CGN: variants seen among roughly 807,000 people sequenced by gnomAD.
CGN encodes cingulin.
Under a neutral mutation model 157.1 loss-of-function variants are expected in CGN, and 121 were observed. The ratio of observed to expected loss-of-function variants is 0.77; its 90% CI spans 0.66 to 0.90. The LOEUF is 0.90. Ranked by LOEUF, CGN falls within the 40% of genes least tolerant of loss-of-function variation. CGN has a pLI of 0.00. For synonymous variants in CGN, 535 were observed against 607.5 expected, an observed-to-expected ratio of 0.88 and a Z score of 1.76; for missense variants, 1,424 against 1,520.9, an observed-to-expected ratio of 0.94 and a Z score of 1.06.
Position 151,511,547 on chromosome 1 carries a change from G to T in CGN, c.-15+32G>T, listed in dbSNP as rs1664294922. ...GGACCCGGTGCGGGCCAGGGCACCCGAGAGGAAAGCGAGCCTTCAGGGGTA... is the reference window on the plus strand; with the variant it reads ...GGACCCGGTGCGGGCCAGGGCACCCTAGAGGAAAGCGAGCCTTCAGGGGTA... On this transcript the variant is annotated intron_variant, in intron 1 of 20. Transcript: ENST00000271636. This position sits in a 1 kb window ranked among gnomAD's most constrained non-coding sequence, Gnocchi z 4.8. 6.4e-6 allele frequency: 1 copy of T among 155,620 alleles called. No individual in the cohort carries two copies. The highest frequency in any genetic ancestry group is 2.4e-5 in the African/African-American group (1 of 41,432). The allele number at this position is 155,620 out of a possible 1,614,324, so 9.6% of individuals were successfully genotyped here. A position where few individuals can be genotyped will look rare whatever the true frequency, so the allele number is the denominator to read the frequency against.
At position 151,519,132 on chromosome 1, in the gene CGN, C is replaced by T; in HGVS notation, c.613C>T (p.Pro205Ser). Reference protein sequence around the residue: ...GRTGRRTRMLPPEQRKRSKSL... With the variant: ...GRTGRRTRMLSPEQRKRSKSL... ...GACTGGCCGCCGAACACGGATGCTACCCCCTGAACAGCGCAAACGGAGCAA... is the reference window on the plus strand; with the variant it reads ...GACTGGCCGCCGAACACGGATGCTATCCCCTGAACAGCGCAAACGGAGCAA... The change falls in exon 2 of 21, where the codon CCC becomes TCC. Residue 205 changes from proline (P) to serine (S), a missense_variant. Physicochemically the swap from Pro to Ser is moderately conservative, Grantham distance 74. Around this residue, in one of 3 missense-constraint regions of CGN, gnomAD observed 1,187 missense variants for 1,217.6 expected, o/e 0.97. Transcript: ENST00000271636. 6.2e-7 allele frequency: 1 copy of T among 1,614,044 alleles called. No individual in the cohort carries two copies. The highest frequency in any genetic ancestry group is 1.1e-5 in the South Asian group (1 of 91,074).
chr1:151,535,659 T>C lies in CGN; in HGVS notation c.3054T>C (p.Cys1018=). The C allele has an allele frequency of 6.2e-7, 1 of 1,614,026 alleles. No individual in the cohort carries two copies. The highest frequency in any genetic ancestry group is 8.5e-7 in the Non-Finnish European group (1 of 1,179,968). ...QERSARQDLE[C]DKISLERQNK... ...GGTCTGCTCGGCAGGACCTGGAGTG[T>C]GACAAAATCTCCTTGGAGAGACAGG... The change falls in exon 17 of 21, where the codon TGT becomes TGC. Residue 1018 remains cysteine, a synonymous_variant. Coordinates refer to ENST00000271636, the MANE Select transcript of CGN (RefSeq NM_020770.3).
rs887627446 is a variant in CGN at position 151,529,459 on chromosome 1, T to C, written c.2006T>C (p.Leu669Pro). 19 of 1,613,168 alleles carry C rather than the reference T, an allele frequency of 1.2e-5. No individual in the cohort carries two copies. The highest frequency in any genetic ancestry group is 1.5e-5 in the Non-Finnish European group (18 of 1,179,844). Residue 669 changes from leucine to proline, a missense_variant, in exon 11 of 21, where the codon CTG becomes CCG. Leu to Pro is a moderately conservative substitution (Grantham distance 98). Around this residue, in one of 3 missense-constraint regions of CGN, gnomAD observed 1,187 missense variants for 1,217.6 expected, o/e 0.97. Coordinates refer to ENST00000271636, the MANE Select transcript of CGN (RefSeq NM_020770.3). ...DRELEKQLAV[L>P]RVEADRGREL... ...GAGTTGGAGAAGCAGCTGGCGGTCCTGAGGGTCGAGGCTGATCGAGGTCGG... is the reference window on the plus strand; with the variant it reads ...GAGTTGGAGAAGCAGCTGGCGGTCCCGAGGGTCGAGGCTGATCGAGGTCGG...
rs200661071 is a variant in CGN, at chr1:151,535,105, G to C, written c.2968G>C (p.Asp990His). 2.2e-5 allele frequency: 35 copies of C among 1,614,014 alleles called. No homozygotes were observed. The highest frequency in any genetic ancestry group is 2.7e-5 in the Non-Finnish European group (32 of 1,180,018). ...EEKNTVELLT[D>H]RVNRGRDQVD... is the part of the protein sequence containing the mutation. ...GAAGAACACCGTGGAGCTGCTAACA[G>C]ATCGGGTGAATCGTGGCCGGGACCA... The change falls in exon 16 of 21, where the codon GAT becomes CAT. Residue 990 changes from aspartate (D) to histidine (H), a missense_variant. Transcript: ENST00000271636.
rs757745552 is a variant in CGN at position 151,529,559 on chromosome 1, G to A, written c.2106G>A (p.Lys702=). The A allele has an allele frequency of 6.2e-7, 1 of 1,612,448 alleles. No individual in the cohort carries two copies. The highest frequency in any genetic ancestry group is 1.3e-5 in the African/African-American group (1 of 74,882). The change falls in exon 11 of 21, where the codon AAG becomes AAA. Residue 702 remains lysine (K), a splice_region_variant and synonymous_variant. Coordinates refer to ENST00000271636, the MANE Select transcript of CGN (RefSeq NM_020770.3). Reference sequence around the variant, plus strand: ...GACAGGACTGTGAAGAGGCTTCCAAGGCAAGGGGAGTGGGCACAGGGCTTA... The same window carrying A: ...GACAGGACTGTGAAGAGGCTTCCAAAGCAAGGGGAGTGGGCACAGGGCTTA... ...QLRQDCEEAS[K]AKMVAEAEAT...
In CGN at chr1:151,536,890, C is replaced by T; in HGVS notation, c.3467C>T (p.Ser1156Phe). The change falls in exon 20 of 21, where the codon TCC (serine) becomes TTC (phenylalanine). Residue 1156 changes from serine (S) to phenylalanine (F), a missense_variant. Physicochemically the swap from Ser to Phe is radical, Grantham distance 155. Around this residue, in one of 3 missense-constraint regions of CGN, gnomAD observed 199 missense variants for 272.2 expected, o/e 0.73. Transcript: ENST00000271636. ...CGGATCAAGTCTCTGGAGAAGGACT[C>T]CTGGTATGGGCTACCCTTTTGCCCT... Reference protein sequence around the residue: ...QARIKSLEKDSWRKASRSAAE... With the variant: ...QARIKSLEKDFWRKASRSAAE... The T allele has an allele frequency of 3.1e-6, 5 of 1,613,872 alleles. No homozygotes were observed. The highest frequency in any genetic ancestry group is 4.2e-6 in the Non-Finnish European group (5 of 1,179,936).
intron 9 of CGN, 32 bp from the exon 10 acceptor site, chr1:151,526,943 C>G (rs751336594): frequency 6.2e-7 from 1 of 1,613,888 alleles, no homozygotes; most frequent in Non-Finnish European, 8.5e-7. Flanking sequence ...ACTCTGTTCC[C>G]TTTCCCCTTT....
chr1:151,527,622 A>T (rs1025383813), intron 10 of CGN, among the ~76,000 whole-genome samples: 1 of 152,182 alleles, frequency 6.6e-6, no homozygotes, highest in East Asian at 1.9e-4. Context: ...GAAAAATAGC[A>T]GAGTATATGG....
Position 151,537,502 on chromosome 1 carries a change from AT to A in CGN, c.*157del. The A allele has an allele frequency of 5.4e-6, 3 of 555,350 alleles. No individual in the cohort carries two copies. Among genetic ancestry groups the A allele is most frequent in the Non-Finnish European group, 9.2e-6 (3 of 325,194 alleles). 34.4% of individuals were successfully genotyped at this position (555,350 alleles called of 1,614,324 possible). On this transcript the variant is annotated 3_prime_UTR_variant, in exon 21 of 21. Transcript: ENST00000271636. The stretch of plus-strand genomic sequence containing the variant: ...AGAGTGATGGTGATAAAAAAAAAAA[AT>A]CATCAGCAATAAGCTGATAGATGGA...
At chr1:151,534,402 A>G in intron 15 of CGN, 2 of 471,988 alleles carry the variant, frequency 4.2e-6, no homozygotes, top group South Asian at 5.1e-5. Flanking sequence ...GGAGCTGAGC[A>G]GTGGGTTTCC....
At chr1:151,523,840 C>G (rs1422025811) in intron 6 of CGN, among the ~76,000 whole-genome samples, 1 of 152,164 alleles carries the variant, frequency 6.6e-6, no homozygotes, top group African/African-American at 2.4e-5. Context: ...CTCACAGGAT[C>G]ATTGTAAGGA....
rs1369835345 is a variant in CGN, at chr1:151,511,457, C to CGAGCCG, written c.-68_-67insGGAGCC. ...CTTTGCCCGAGCCCGAGCCCGAGCC[C>CGAGCCG]GAGCCCGAGCCCGAGCCCGAGCCCG... is the stretch of plus-strand genomic sequence containing the variant. On this transcript the variant is annotated 5_prime_UTR_variant, in exon 1 of 21. Coordinates refer to ENST00000271636, the MANE Select transcript of CGN (RefSeq NM_020770.3). The surrounding 1 kb of genome is among the most constrained non-coding windows in gnomAD (Gnocchi z 4.8). The CGAGCCG allele has an allele frequency of 1.1e-5, 2 of 185,974 alleles. No homozygotes were observed. Among genetic ancestry groups the CGAGCCG allele is most frequent in the Non-Finnish European group, 2.2e-5 (2 of 89,526 alleles). The allele number at this position is 185,974 out of a possible 1,614,324, so 11.5% of individuals were successfully genotyped here.
chr1:151,534,877 G>GGC (rs1664922367), intron 15 of CGN, 165 bp from the exon 16 acceptor site: 1 of 611,678 alleles, frequency 1.6e-6, no homozygotes, highest in Admixed American at 2.8e-5. Context: ...GTCAGTAGAG[G>GGC]GCGCTGGCTC....
Position 151,535,787 on chromosome 1 carries a change from ACCTGAAGAC to A in CGN, c.3089_3097del (p.Leu1030_Thr1032del), listed in dbSNP as rs778085528. The A allele has an allele frequency of 1.5e-5, 25 of 1,613,930 alleles. No homozygotes were observed. Among genetic ancestry groups the A allele is most frequent in the Admixed American group, 1.3e-4 (8 of 59,996 alleles). On this transcript the variant is annotated inframe_deletion, in exon 18 of 21. Coordinates refer to ENST00000271636, the MANE Select transcript of CGN (RefSeq NM_020770.3). ...GCTTCCTGTCCCTCTCAGAACAAGG[ACCTGAAGAC>A]CCGGTTGGCCAGCTCAGAAGGCTTC... is the stretch of plus-strand genomic sequence containing the variant.
chr1:151,519,361 G>T lies in CGN; in HGVS notation c.842G>T (p.Arg281Leu), dbSNP rs767192392. ...DWVLQSFEEP[R>L]RSAQDPTMLQ... ...GTCCTTCAGAGTTTTGAGGAGCCGCGGAGGAGTGCACAGGACCCCACCATG... is the reference window on the plus strand; with the variant it reads ...GTCCTTCAGAGTTTTGAGGAGCCGCTGAGGAGTGCACAGGACCCCACCATG... The change falls in exon 2 of 21, where the codon CGG (arginine) becomes CTG (leucine). Residue 281 changes from arginine (R) to leucine (L), a missense_variant. By Grantham distance (102) the Arg-to-Leu change is moderately radical. Transcript: ENST00000271636. 2 of 1,601,808 alleles carry T rather than the reference G, an allele frequency of 1.2e-6. No individual in the cohort carries two copies. Among genetic ancestry groups the T allele is most frequent in the Non-Finnish European group, 1.7e-6 (2 of 1,179,182 alleles).
chr1:151,535,708 A>G lies in CGN; in HGVS notation c.3078+25A>G, dbSNP rs531551364. The G allele has an allele frequency of 4.0e-5, 64 of 1,610,538 alleles. 1 individual carries two copies. The South Asian group carries it at 6.5e-4, about 16-fold the overall frequency. ...GGTGATGGGGGAGGGGAGGATTCTT[A>G]GGGATGGACCCCAGGAGGTGAGTAA... On this transcript the variant is annotated intron_variant, in intron 17 of 20. Transcript: ENST00000271636.
chr1:151,524,120 T>G lies in CGN; in HGVS notation c.1269-106T>G. On this transcript the variant is annotated intron_variant, in intron 6 of 20. Transcript: ENST00000271636. The surrounding 1 kb of genome is among the most constrained non-coding windows in gnomAD (Gnocchi z 4.4). ...AAAATCAGGGGAGGCCTCATCAAGA[T>G]TTGAAGGAAGGAAGTTTAAATGCAT... 8.8e-7 allele frequency: 1 copy of G among 1,132,074 alleles called. No homozygotes were observed. The highest frequency in any genetic ancestry group is 1.2e-6 in the Non-Finnish European group (1 of 803,982). 70.1% of individuals were successfully genotyped at this position (1,132,074 alleles called of 1,614,324 possible).
chr1:151,519,107 G>C lies in CGN; in HGVS notation c.588G>C (p.Arg196=). The C allele has an allele frequency of 6.2e-7, 1 of 1,614,078 alleles. No individual in the cohort carries two copies. Among genetic ancestry groups the C allele is most frequent in the Non-Finnish European group, 8.5e-7 (1 of 1,180,044 alleles). Residue 196 remains arginine, a synonymous_variant, in exon 2 of 21, where the codon CGG becomes CGC. Coordinates refer to ENST00000271636, the MANE Select transcript of CGN (RefSeq NM_020770.3). ...AACTTGGAGGCCAGGCCCGGGGTCG[G>C]ACTGGCCGCCGAACACGGATGCTAC... ...DSQLGGQARG[R]TGRRTRMLPP... is the part of the protein sequence containing the mutation.
chr1:151,531,371 C>T (rs918776927), intron 13 of CGN, among the ~76,000 whole-genome samples: 11 of 152,192 alleles, frequency 7.2e-5, no homozygotes, highest in Non-Finnish European at 1.5e-4. Context: ...CCAGCTTGGG[C>T]AACATAATAA....
Sources: gnomAD v4.1 joint callset for allele counts (sites outside exome capture counted in the v4.1 genomes callset) on GRCh38, gnomAD v4.1.1 for gene constraint, gnomAD v4.1.1 regional missense constraint, Gnocchi (gnomAD v3.1) non-coding constraint, MANE v1.5 for transcripts, NCBI Gene and HGNC (gene_info 2026-07-23, HGNC 2026-07-21) for gene names.